The following FOXJ3 variants were observed in gnomAD, a reference collection of about 807,000 sequenced individuals.
FOXJ3 encodes forkhead box protein J3.
In FOXJ3, 22 loss-of-function variants were observed where a neutral mutation model predicts 76.1. The observed-to-expected ratio is 0.29, with a 90% confidence interval of 0.21 to 0.41. The LOEUF is 0.41. Ranked by LOEUF, FOXJ3 falls within the 10% of genes least tolerant of loss-of-function variation. The probability of loss-of-function intolerance (pLI) is 1.00; values close to 1 mark genes in which losing one functional copy is unlikely to be tolerated. For synonymous variants in FOXJ3, 269 were observed against 261.2 expected (o/e 1.03, Z -0.29); for missense variants, 613 against 762.1 (o/e 0.80, Z 2.30).
chr1:42,231,231 C>G (rs1240637496), intron 4 of FOXJ3, among the ~76,000 whole-genome samples: 1 of 151,976 alleles, frequency 6.6e-6, no homozygotes, highest in Non-Finnish European at 1.5e-5. Flanking sequence ...GAGGCTGAGG[C>G]AGGAGAATGG....
intron 5 of FOXJ3, among the ~76,000 whole-genome samples, chr1:42,222,701 C>A (rs1360208029): frequency 1.3e-5 from 2 of 152,110 alleles, no homozygotes; most frequent in Admixed American, 1.3e-4. Flanking sequence ...TAATAAAGAC[C>A]TCTTATCTTG....
At chr1:42,318,813 T>C (rs995283153) in intron 1 of FOXJ3, among the ~76,000 whole-genome samples, 1 of 152,136 alleles carries the variant, frequency 6.6e-6, no homozygotes, top group Non-Finnish European at 1.5e-5. Flanking sequence ...TGGCAGTTCA[T>C]CAAAAAGTTA....
At chr1:42,272,804 T>G (rs1206308260) in intron 3 of FOXJ3, among the ~76,000 whole-genome samples, 1 of 152,228 alleles carries the variant, frequency 6.6e-6, no homozygotes, top group African/African-American at 2.4e-5. Context: ...ATGCTATTCC[T>G]TAAATTTGGA....
intron 1 of FOXJ3, 86 bp from the exon 2 acceptor site, chr1:42,311,196 T>C (rs1438022154): frequency 3.6e-6 from 3 of 840,022 alleles, no homozygotes; most frequent in Non-Finnish European, 5.6e-6. Context: ...TAAAACACTC[T>C]GAAAACAGAA....
intron 12 of FOXJ3, among the ~76,000 whole-genome samples, chr1:42,181,427 G>A (rs944055601): frequency 3.9e-5 from 6 of 152,170 alleles, no homozygotes; most frequent in African/African-American, 1.2e-4. Flanking sequence ...GAACTCCATA[G>A]GAATGAATGA....
chr1:42,295,519 CTTTTTTTTT>C (rs34641810), intron 2 of FOXJ3, among the ~76,000 whole-genome samples: 1 of 79,042 alleles, frequency 1.3e-5, no homozygotes, highest in Non-Finnish European at 2.3e-5. Flanking sequence ...CTACAAGTGT[CTTTTTTTTT>C]TTTTTTTTTT....
chr1:42,299,039 T>C (rs541093629), intron 2 of FOXJ3, among the ~76,000 whole-genome samples: 14 of 152,316 alleles, frequency 9.2e-5, no homozygotes, highest in African/African-American at 3.1e-4. Context: ...TTGGAATGTA[T>C]TGAGACTTGC....
intron 1 of FOXJ3, among the ~76,000 whole-genome samples, chr1:42,332,335 G>C (rs1656211490): frequency 6.6e-6 from 1 of 152,052 alleles, no homozygotes. Flanking sequence ...TTGTATATGG[G>C]AATAATTACA....
Position 42,192,773 on chromosome 1 carries a change from A to C in FOXJ3, c.935-1054T>G, listed in dbSNP as rs185410788. On this transcript the variant is annotated intron_variant, in intron 8 of 12. Transcript: ENST00000361346. Reference sequence around the variant, plus strand: ...ATAATTTTATTGAATGAAAAAAAAAAACACAAGATAATATCAATCAATAAA... The same window carrying C: ...ATAATTTTATTGAATGAAAAAAAAACACACAAGATAATATCAATCAATAAA... Among the ~76,000 whole-genome samples the C allele has an allele frequency of 6.7e-3, 1,026 of 152,248 alleles. 3 individuals carry two copies. Among genetic ancestry groups the C allele is most frequent in the Non-Finnish European group, 0.01 (701 of 68,004 alleles).
rs72674522 is a variant in FOXJ3 at position 42,215,969 on chromosome 1, T to C, written c.529-10106A>G. ...GAGTTTGAGACCAGCCTGGTCAACA[T>C]AGTGAGACACCCATCTCTAAGGGGG... On this transcript the variant is annotated intron_variant, in intron 5 of 12. Coordinates refer to ENST00000361346, the MANE Select transcript of FOXJ3 (RefSeq NM_014947.5). Among the ~76,000 whole-genome samples the C allele has an allele frequency of 3.3e-3, 496 of 152,034 alleles. 4 individuals carry two copies. Among genetic ancestry groups the C allele is most frequent in the Non-Finnish European group, 5.7e-3 (388 of 67,972 alleles).
chr1:42,181,822 C>T (rs1646325551), intron 12 of FOXJ3, 95 bp downstream of exon 12: 4 of 766,624 alleles, frequency 5.2e-6, no homozygotes, highest in South Asian at 3.6e-5. Context: ...GACACACACA[C>T]ACACACTCTC....
At position 42,332,319 on chromosome 1, in the gene FOXJ3, C is replaced by A. The variant is rs1656209865; in HGVS notation, c.-18+2740G>T. 2.0e-5 allele frequency among the ~76,000 whole-genome samples: 3 copies of A among 152,110 alleles called. No individual in the cohort carries two copies. The South Asian group carries it at 6.2e-4, about 32-fold the overall frequency. On this transcript the variant is annotated intron_variant, in intron 1 of 12. Transcript: ENST00000361346. ...GTGCAAAATCTACCTTTCATCTAAC[C>A]GTTCATTGTATATGGGAATAATTAC... is the stretch of plus-strand genomic sequence containing the variant.
intron 5 of FOXJ3, among the ~76,000 whole-genome samples, chr1:42,218,954 C>T (rs1295814101): frequency 6.6e-6 from 1 of 152,156 alleles, no homozygotes; most frequent in East Asian, 1.9e-4. Flanking sequence ...GCCTGTACAG[C>T]TGACAATCCA....
intron 5 of FOXJ3, among the ~76,000 whole-genome samples, chr1:42,206,704 T>G (rs1646867880): frequency 6.6e-6 from 1 of 152,240 alleles, no homozygotes. Context: ...TCCTCAAATT[T>G]TATCTTTTGT....
rs375033206 is a variant in FOXJ3 at position 42,278,414 on chromosome 1, T to C, written c.303A>G (p.Leu101=). ...CACAAATCCACTGATAAATTTCACT[T>C]AAAGTCATTTTCTTTTTGGGTGAGC... is the stretch of plus-strand genomic sequence containing the variant. The part of the protein sequence containing the change: ...INSSPKKKMT[L]SEIYQWICDN... Residue 101 remains leucine, a synonymous_variant, in exon 3 of 13, where the codon TTA becomes TTG. Coordinates refer to ENST00000361346, the MANE Select transcript of FOXJ3 (RefSeq NM_014947.5). 1.2e-6 allele frequency: 2 copies of C among 1,613,952 alleles called. No individual in the cohort carries two copies. The highest frequency in any genetic ancestry group is 1.7e-6 in the Non-Finnish European group (2 of 1,179,906).
At chr1:42,196,063 A>G (rs1426829989) in intron 7 of FOXJ3, among the ~76,000 whole-genome samples, 1 of 152,206 alleles carries the variant, frequency 6.6e-6, no homozygotes, top group Non-Finnish European at 1.5e-5. Context: ...TGAGTGAGGC[A>G]TGGGACTTTC....
chr1:42,239,127 T>C lies in FOXJ3; in HGVS notation c.445-11161A>G, dbSNP rs997307258. Among the ~76,000 whole-genome samples, 14 of 152,352 alleles carry C rather than the reference T, an allele frequency of 9.2e-5. 2 individuals carry two copies. The highest frequency in any genetic ancestry group is 7.8e-4 in the Admixed American group (12 of 15,302). ...AAATATATATTGATCTTGTATCCTG[T>C]AACCTTGCTAAACTCACATATTATT... On this transcript the variant is annotated intron_variant, in intron 4 of 12. Transcript: ENST00000361346.
rs201685851 is a variant in FOXJ3, at chr1:42,195,008, C to A, written c.816G>T (p.Gln272His). Residue 272 changes from glutamine (Q) to histidine (H), a missense_variant, in exon 8 of 13, where the codon CAG becomes CAT. Gln to His is a conservative substitution (Grantham distance 24). This residue lies in a region of FOXJ3 where 526 missense variants were observed against 601.4 expected (regional missense o/e 0.87). Coordinates refer to ENST00000361346, the MANE Select transcript of FOXJ3 (RefSeq NM_014947.5). The part of the protein sequence containing the change: ...SQSLTPQQQP[Q>H]YNLPERDKQL... ...GCTTGTCTCTTTCTGGAAGGTTGTA[C>A]TGTGGTTGCTGCTGAGGAGTTAATG... The A allele has an allele frequency of 3.1e-4, 497 of 1,613,232 alleles. No homozygotes were observed. The highest frequency in any genetic ancestry group is 4.0e-4 in the Non-Finnish European group (466 of 1,179,616).
chr1:42,302,380 C>A (rs964859052), intron 2 of FOXJ3, among the ~76,000 whole-genome samples: 4 of 152,244 alleles, frequency 2.6e-5, no homozygotes, highest in Non-Finnish European at 5.9e-5. Flanking sequence ...GGCTGATCTG[C>A]AGAATGCACA....
Sources: gnomAD v4.1 joint callset for allele counts (sites outside exome capture counted in the v4.1 genomes callset) on GRCh38, gnomAD v4.1.1 for gene constraint, gnomAD v4.1.1 regional missense constraint, MANE v1.5 for transcripts, NCBI Gene and HGNC (gene_info 2026-07-23, HGNC 2026-07-21) for gene names.